The following KIF21A variants were observed in gnomAD, a reference collection of about 807,000 sequenced individuals.
KIF21A encodes kinesin family member 21A, also known as kinesin-like protein KIF21A.
KIF21A carries 114 observed loss-of-function variants against 202.9 expected under a neutral mutation model. The observed-to-expected ratio is 0.56, with a 90% CI of 0.48 to 0.66. The LOEUF (loss-of-function observed/expected upper bound fraction) is 0.66, where lower values mean the gene tolerates loss of function less well. KIF21A is among the 30% of genes least tolerant of loss of function. KIF21A has a pLI of 0.00. For missense variants in KIF21A, 1,677 were observed against 1,994.9 expected (o/e 0.84, Z 3.04); for synonymous variants, 667 against 670.8 (o/e 0.99, Z 0.09).
chr12:39,301,078 T>G (rs916934189), intron 37 of KIF21A, among the ~76,000 whole-genome samples: 3 of 152,218 alleles, frequency 2.0e-5, no homozygotes, highest in African/African-American at 7.2e-5. Context: ...ATGTTATTAC[T>G]ATGTACTTAT....
intron 1 of KIF21A, among the ~76,000 whole-genome samples, chr12:39,392,524 T>C (rs988155117): frequency 5.3e-5 from 8 of 152,132 alleles, no homozygotes; most frequent in African/African-American, 1.9e-4. Context: ...GTCATTCCTT[T>C]GTTTCTTTGT....
intron 1 of KIF21A, among the ~76,000 whole-genome samples, chr12:39,398,906 AC>A (rs1222248880): frequency 6.6e-6 from 1 of 151,820 alleles, no homozygotes; most frequent in African/African-American, 2.4e-5. Flanking sequence ...CAATAAAAAA[AC>A]AATAAAAATA....
At chr12:39,307,061 T>A (rs534129439) in intron 34 of KIF21A, among the ~76,000 whole-genome samples, 29 of 152,336 alleles carry the variant, frequency 1.9e-4, no homozygotes, top group Non-Finnish European at 3.7e-4. Flanking sequence ...TTTTAATTTA[T>A]CATTTTTTTC....
chr12:39,356,711 A>G (rs565969089), intron 10 of KIF21A, 121 bp downstream of exon 10: 29 of 594,340 alleles, frequency 4.9e-5, no homozygotes, highest in Non-Finnish European at 7.3e-5. Flanking sequence ...TAACCTAACC[A>G]AAGGGCTGAA....
At chr12:39,336,060 A>AC (rs1946937573) in intron 17 of KIF21A, among the ~76,000 whole-genome samples, 1 of 152,100 alleles carries the variant, frequency 6.6e-6, no homozygotes, top group Admixed American at 6.6e-5. Flanking sequence ...CTGAAACCTA[A>AC]CCAATAATAA....
intron 9 of KIF21A, among the ~76,000 whole-genome samples, 171 bp from the exon 10 acceptor site, chr12:39,357,066 G>A (rs999667553): frequency 6.6e-6 from 1 of 152,136 alleles, no homozygotes; most frequent in Non-Finnish European, 1.5e-5. Flanking sequence ...ATTACAAAGG[G>A]AATATTTTGT....
chr12:39,324,908 A>G (rs928021052), intron 26 of KIF21A, among the ~76,000 whole-genome samples: 1 of 152,212 alleles, frequency 6.6e-6, no homozygotes, highest in Non-Finnish European at 1.5e-5. Context: ...TAAGCACTGC[A>G]AGAATTCTTT....
Position 39,442,859 on chromosome 12 carries a change from C to T in KIF21A, c.44+68G>A. 6.6e-7 allele frequency: 1 copy of T among 1,507,600 alleles called. No homozygotes were observed. The highest frequency in any genetic ancestry group is 8.8e-7 in the Non-Finnish European group (1 of 1,130,248). The allele number at this position is 1,507,600 out of a possible 1,614,324, so 93.4% of individuals were successfully genotyped here. A position where few individuals can be genotyped will look rare whatever the true frequency, so the allele number is the denominator to read the frequency against. On this transcript the variant is annotated intron_variant, in intron 1 of 37. Coordinates refer to ENST00000361418, the MANE Select transcript of KIF21A (RefSeq NM_001173464.2). This position sits in a 1 kb window ranked among gnomAD's most constrained non-coding sequence, Gnocchi z 5.0. The stretch of plus-strand genomic sequence containing the variant: ...CCACCCCGGTAGCCGGTGCTCCGCG[C>T]CACAGCCAGGTCCTTGCCGCGCCCT...
At chr12:39,400,199 C>T (rs1264404865) in intron 1 of KIF21A, among the ~76,000 whole-genome samples, 1 of 152,186 alleles carries the variant, frequency 6.6e-6, no homozygotes, top group Non-Finnish European at 1.5e-5. Context: ...TATTAATGCT[C>T]AGCCTCTACT....
chr12:39,392,251 A>G (rs996544920), intron 1 of KIF21A, among the ~76,000 whole-genome samples: 15 of 152,166 alleles, frequency 9.9e-5, no homozygotes, highest in African/African-American at 3.4e-4. Context: ...AAGAGTGACA[A>G]GAAGAGTGTG....
intron 1 of KIF21A, among the ~76,000 whole-genome samples, chr12:39,397,926 T>C (rs1043210483): frequency 8.5e-5 from 13 of 152,222 alleles, no homozygotes; most frequent in African/African-American, 3.1e-4. Flanking sequence ...AGATTTTGAG[T>C]ATGACTTACA....
rs2137122371 is a variant in KIF21A at position 39,301,634 on chromosome 12, C to G, written c.4777G>C (p.Val1593Leu). The change falls in exon 37 of 38, where the codon GTG becomes CTG. Residue 1593 changes from valine (V) to leucine (L), a missense_variant. By Grantham distance (32) the Val-to-Leu change is conservative (BLOSUM62 1). This residue lies in a region of KIF21A where 705 missense variants were observed against 791.9 expected (regional missense o/e 0.89). Transcript: ENST00000361418. ...CTGAGCAAAACTGGGTGGTCTGGCA[C>G]CACTCCCAGGGCACAGACCCAATCC... is the stretch of plus-strand genomic sequence containing the variant. ...HKDWVCALGVVPDHPVLLSGC... is the reference protein window; with the variant it reads ...HKDWVCALGVLPDHPVLLSGC... 6.2e-7 allele frequency: 1 copy of G among 1,614,048 alleles called. No homozygotes were observed. The highest frequency in any genetic ancestry group is 1.3e-5 in the African/African-American group (1 of 75,012).
chr12:39,337,248 A>G (rs113042186), intron 16 of KIF21A, 45 bp from the exon 17 acceptor site: 2 of 1,184,250 alleles, frequency 1.7e-6, no homozygotes, highest in Non-Finnish European at 2.5e-6. Flanking sequence ...CTCTGTCACA[A>G]CATTCATTAA....
At chr12:39,298,329 T>C (rs1163150837) in intron 37 of KIF21A, among the ~76,000 whole-genome samples, 7 of 151,986 alleles carry the variant, frequency 4.6e-5, no homozygotes, top group African/African-American at 1.7e-4. Flanking sequence ...CTACATAGGG[T>C]CCCCTAAAGT....
At chr12:39,303,180 T>A in intron 35 of KIF21A, 45 bp from the exon 36 acceptor site, 1 of 1,531,224 alleles carries the variant, frequency 6.5e-7, no homozygotes, top group Admixed American at 1.7e-5. Flanking sequence ...AACTTGCAAA[T>A]AAACACCAAT....
intron 26 of KIF21A, among the ~76,000 whole-genome samples, chr12:39,325,531 CACGGGTTTTCGCCG>C (rs1303809982): frequency 2.4e-4 from 29 of 122,032 alleles, no homozygotes; most frequent in African/African-American, 9.1e-4. Flanking sequence ...TTTTAGTAGA[CACGGGTTTTCGCCG>C]TGTTAGTCAG....
rs1312729875 is a variant in KIF21A, at chr12:39,443,033, G to C, written c.-63C>G. The stretch of plus-strand genomic sequence containing the variant: ...CACCGCAGAGCTGAGGCGCCACTGG[G>C]GCCGCGGGACTCGGGCGCAGTAGGC... On this transcript the variant is annotated 5_prime_UTR_variant, in exon 1 of 38. Coordinates refer to ENST00000361418, the MANE Select transcript of KIF21A (RefSeq NM_001173464.2). 2.8e-5 allele frequency: 42 copies of C among 1,482,070 alleles called. No individual in the cohort carries two copies. Among genetic ancestry groups the C allele is most frequent in the Non-Finnish European group, 3.7e-5 (42 of 1,120,866 alleles). 91.8% of individuals were successfully genotyped at this position (1,482,070 alleles called of 1,614,324 possible).
chr12:39,308,701 C>T (rs1293598004), intron 33 of KIF21A, among the ~76,000 whole-genome samples: 1 of 151,840 alleles, frequency 6.6e-6, no homozygotes, highest in Non-Finnish European at 1.5e-5. Context: ...AAATATTAAG[C>T]CATAATCAAT....
intron 26 of KIF21A, among the ~76,000 whole-genome samples, chr12:39,324,888 C>A (rs1945693283): frequency 6.6e-6 from 1 of 152,168 alleles, no homozygotes; most frequent in Non-Finnish European, 1.5e-5. Context: ...ATTCATTCAA[C>A]AATATTTAAT....
Sources: gnomAD v4.1 joint callset for allele counts (sites outside exome capture counted in the v4.1 genomes callset) on GRCh38, gnomAD v4.1.1 for gene constraint, gnomAD v4.1.1 regional missense constraint, Gnocchi (gnomAD v3.1) non-coding constraint, MANE v1.5 for transcripts, NCBI Gene and HGNC (gene_info 2026-07-23, HGNC 2026-07-21) for gene names.